The following SNTG2 variants were observed in gnomAD, a reference collection of about 807,000 sequenced individuals.
The protein encoded by SNTG2 is gamma-2-syntrophin.
SNTG2 carries 74 observed loss-of-function variants against 70.9 expected under a neutral mutation model. The ratio of observed to expected loss-of-function variants is 1.04; its 90% CI spans 0.86 to 1.27. The LOEUF (loss-of-function observed/expected upper bound fraction) is 1.27. SNTG2 is among the 50% of genes most tolerant of loss of function. SNTG2 has a pLI of 0.00. For synonymous variants in SNTG2, 278 were observed against 273.8 expected (o/e 1.02, Z -0.15); for missense variants, 717 against 690.7 (o/e 1.04, Z -0.43).
intron 1 of SNTG2, among the ~76,000 whole-genome samples, chr2:1,010,671 G>A (rs1299824517): frequency 6.6e-6 from 1 of 152,214 alleles, no homozygotes; most frequent in Non-Finnish European, 1.5e-5. Context: ...GGTTGTGGGA[G>A]AAAGGATTGT....
intron 1 of SNTG2, among the ~76,000 whole-genome samples, chr2:996,705 A>T (rs1361612263): frequency 9.5e-4 from 22 of 23,212 alleles, no homozygotes; most frequent in East Asian, 0.011. Flanking sequence ...TTTTTTTTTT[A>T]CTACCACTAG....
Position 955,887 on chromosome 2 carries a change from A to C in SNTG2, c.72+4819A>C, listed in dbSNP as rs569517057. ...CTGGGGTCCCAGCTACCCTCCTTTT[A>C]GAAGCTGGTGCCAGGGAGGCCAAGG... On this transcript the variant is annotated intron_variant, in intron 1 of 16. Coordinates refer to ENST00000308624, the MANE Select transcript of SNTG2 (RefSeq NM_018968.4). Among the ~76,000 whole-genome samples the C allele has an allele frequency of 1.5e-3, 235 of 152,306 alleles. 4 individuals are homozygous for C. In the South Asian group the frequency reaches 0.018, roughly 12 times the overall value.
chr2:1,146,909 T>G (rs2147792030), intron 6 of SNTG2, among the ~76,000 whole-genome samples: 1 of 152,306 alleles, frequency 6.6e-6, no homozygotes, highest in African/African-American at 2.4e-5. Flanking sequence ...GAACTGTAAT[T>G]GTCATGAGTA....
At chr2:1,134,279 G>T (rs4971471) in intron 4 of SNTG2, among the ~76,000 whole-genome samples, 2 of 152,066 alleles carry the variant, frequency 1.3e-5, no homozygotes, top group South Asian at 4.2e-4. Context: ...TGGTGGCGCC[G>T]GGATCCTGCT....
intron 14 of SNTG2, among the ~76,000 whole-genome samples, chr2:1,306,244 G>A (rs112031862): frequency 2.4e-3 from 358 of 152,172 alleles, no homozygotes; most frequent in African/African-American, 7.9e-3. Context: ...TGTGACCGCC[G>A]GCTGTGTGTG....
At chr2:1,148,131 A>G (rs28534382) in intron 6 of SNTG2, among the ~76,000 whole-genome samples, 142,591 of 152,214 alleles carry the variant, frequency 0.94, 66,918 homozygotes, top group Non-Finnish European at 0.97. Context: ...AGGAGCTGGT[A>G]CAATTTCAGG....
intron 1 of SNTG2, among the ~76,000 whole-genome samples, chr2:996,013 G>A (rs1047552064): frequency 6.6e-6 from 1 of 152,142 alleles, no homozygotes; most frequent in Non-Finnish European, 1.5e-5. Context: ...TTTAGTGGAA[G>A]TTATTTTTTT....
chr2:966,610 A>G (rs1329703545), intron 1 of SNTG2, among the ~76,000 whole-genome samples: 1 of 152,266 alleles, frequency 6.6e-6, no homozygotes, highest in Non-Finnish European at 1.5e-5. Context: ...AATAAGTTAT[A>G]AAATGAATGC....
intron 8 of SNTG2, among the ~76,000 whole-genome samples, chr2:1,189,167 G>C (rs929095038): frequency 1.3e-5 from 2 of 151,950 alleles, no homozygotes; most frequent in Non-Finnish European, 2.9e-5. Context: ...AATAGAAAGC[G>C]TAATAAAAAT....
At chr2:987,475 A>G (rs1661362399) in intron 1 of SNTG2, among the ~76,000 whole-genome samples, 1 of 151,686 alleles carries the variant, frequency 6.6e-6, no homozygotes, top group African/African-American at 2.4e-5. Flanking sequence ...TAGGGGCAGG[A>G]TTGTCAGCGT....
intron 14 of SNTG2, among the ~76,000 whole-genome samples, chr2:1,268,406 G>A (rs1024359322): frequency 6.6e-6 from 1 of 152,110 alleles, no homozygotes; most frequent in African/African-American, 2.4e-5. Context: ...ATGTATCCAG[G>A]CTCCTTGGCA....
Position 1,237,927 on chromosome 2 carries a change from C to T in SNTG2, c.759C>T (p.Ser253=). 6.2e-7 allele frequency: 1 copy of T among 1,606,886 alleles called. No homozygotes were observed. The change falls in exon 10 of 17, where the codon AGC becomes AGT. Residue 253 remains serine (S), a synonymous_variant. Transcript: ENST00000308624. The stretch of plus-strand genomic sequence containing the variant: ...AGGTGCTCGCCCTGGACGGAGTCAG[C>T]TCTGGGATCCTCCGGTTTTACACAG... ...AFEVLALDGV[S]SGILRFYTAQ...
chr2:1,024,149 G>C lies in SNTG2; in HGVS notation c.73-59369G>C, dbSNP rs1660348564. ...AGGGAAGCTTCGTGGCACCACAGGGGCCTCCCAGATTCAATCCGTGGGCCA... is the reference window on the plus strand; with the variant it reads ...AGGGAAGCTTCGTGGCACCACAGGGCCCTCCCAGATTCAATCCGTGGGCCA... On this transcript the variant is annotated intron_variant, in intron 1 of 16. Transcript: ENST00000308624. Among the ~76,000 whole-genome samples the C allele has an allele frequency of 2.0e-5, 3 of 152,128 alleles. No individual in the cohort carries two copies. In the South Asian group the frequency reaches 6.2e-4, roughly 32 times the overall value.
chr2:1,178,803 T>C (rs1052694864), intron 8 of SNTG2, among the ~76,000 whole-genome samples: 1 of 152,254 alleles, frequency 6.6e-6, no homozygotes, highest in African/African-American at 2.4e-5. Context: ...GGTATCAGGA[T>C]GATGCTGGCC....
At chr2:1,122,583 T>C (rs1204326818) in intron 4 of SNTG2, among the ~76,000 whole-genome samples, 1 of 152,136 alleles carries the variant, frequency 6.6e-6, no homozygotes, top group Non-Finnish European at 1.5e-5. Context: ...AATAAAGCTA[T>C]TTATGAAAAA....
At chr2:1,322,837 G>A (rs916725916) in intron 16 of SNTG2, among the ~76,000 whole-genome samples, 1 of 152,004 alleles carries the variant, frequency 6.6e-6, no homozygotes, top group Non-Finnish European at 1.5e-5. Flanking sequence ...GCCACTGAAC[G>A]TCACTGAGCA....
chr2:1,320,649 G>C (rs1233073622), intron 16 of SNTG2, among the ~76,000 whole-genome samples: 3 of 151,878 alleles, frequency 2.0e-5, no homozygotes, highest in Admixed American at 6.6e-5. Flanking sequence ...TTAGGTTGCA[G>C]TAGTTTTTAA....
At chr2:1,249,561 C>T (rs1299941787) in intron 12 of SNTG2, among the ~76,000 whole-genome samples, 2 of 152,196 alleles carry the variant, frequency 1.3e-5, no homozygotes, top group African/African-American at 2.4e-5. Flanking sequence ...AGTATGTGGC[C>T]TGTCATTGTT....
At chr2:1,155,217 CAT>C (rs1181511081) in intron 6 of SNTG2, among the ~76,000 whole-genome samples, 10 of 148,896 alleles carry the variant, frequency 6.7e-5, no homozygotes, top group African/African-American at 2.6e-4. Context: ...ACACCACACA[CAT>C]AAACACCATG....
Sources: gnomAD v4.1 joint callset for allele counts (sites outside exome capture counted in the v4.1 genomes callset) on GRCh38, gnomAD v4.1.1 for gene constraint, MANE v1.5 for transcripts, NCBI Gene and HGNC (gene_info 2026-07-23, HGNC 2026-07-21) for gene names.